The following CSMD1 variants were observed in gnomAD, a reference collection of about 807,000 sequenced individuals.
CSMD1 encodes the protein CUB and sushi domain-containing protein 1.
A neutral mutation model predicts 417.5 loss-of-function variants in CSMD1; 213 were observed. The observed-to-expected ratio is 0.51, with a 90% CI of 0.46 to 0.57. CSMD1 has a LOEUF of 0.57. CSMD1 is among the 20% of genes least tolerant of loss of function. The probability of loss-of-function intolerance (pLI) is 0.00; values close to 1 mark genes in which losing one functional copy is unlikely to be tolerated. For synonymous variants in CSMD1, 2,862 were observed against 1,736.8 expected, an observed-to-expected ratio of 1.65 and a Z score of -16.11; for missense variants, 6,923 against 4,529.7, an observed-to-expected ratio of 1.53 and a Z score of -15.17.
intron 4 of CSMD1, among the ~76,000 whole-genome samples, chr8:4,024,389 A>T (rs1028871257): frequency 2.6e-5 from 4 of 152,196 alleles, no homozygotes; most frequent in African/African-American, 9.7e-5. Context: ...ACGCTGATGG[A>T]AGTTTTACTT....
At position 4,714,427 on chromosome 8, in the gene CSMD1, A is replaced by G. The variant is rs146437943; in HGVS notation, c.86-76869T>C. On this transcript the variant is annotated intron_variant, in intron 1 of 69. Transcript: ENST00000635120. ...GAAAGACAAAAATAAAATCTCCCCAAAAAGGAAATGGAAATTCTAAGTCAA... is the reference window on the plus strand; with the variant it reads ...GAAAGACAAAAATAAAATCTCCCCAGAAAGGAAATGGAAATTCTAAGTCAA... Among the ~76,000 whole-genome samples the G allele has an allele frequency of 3.3e-5, 5 of 152,328 alleles. No homozygotes were observed. In the East Asian group the frequency reaches 9.6e-4, roughly 29 times the overall value.
At chr8:3,115,368 A>C (rs1816802629) in intron 42 of CSMD1, among the ~76,000 whole-genome samples, 1 of 152,002 alleles carries the variant, frequency 6.6e-6, no homozygotes, top group Admixed American at 6.6e-5. Context: ...CGCCTGGCTA[A>C]GTTTTGTATT....
intron 5 of CSMD1, among the ~76,000 whole-genome samples, chr8:3,991,140 C>A (rs1478492514): frequency 6.6e-6 from 1 of 152,198 alleles, no homozygotes; most frequent in Non-Finnish European, 1.5e-5. Flanking sequence ...GGAAATTGGC[C>A]CCACAGTAGA....
In CSMD1 at chr8:4,807,257, C is replaced by T. The variant is rs1282443250; in HGVS notation, c.86-169699G>A. Among the ~76,000 whole-genome samples, 4 of 152,264 alleles carry T rather than the reference C, an allele frequency of 2.6e-5. No homozygotes were observed. The South Asian group carries it at 6.2e-4, about 24-fold the overall frequency. On this transcript the variant is annotated intron_variant, in intron 1 of 69. Coordinates refer to ENST00000635120, the MANE Select transcript of CSMD1 (RefSeq NM_033225.6). Reference sequence around the variant, plus strand: ...GGCAGCTTCTCCCACAGAAAGCAAACCTTATTTCCCAGCCACATTGACTTT... The same window carrying T: ...GGCAGCTTCTCCCACAGAAAGCAAATCTTATTTCCCAGCCACATTGACTTT...
intron 12 of CSMD1, among the ~76,000 whole-genome samples, chr8:3,423,147 T>C (rs1187376979): frequency 6.6e-6 from 1 of 152,190 alleles, no homozygotes; most frequent in African/African-American, 2.4e-5. Flanking sequence ...TTTTAAATAA[T>C]CAGTTTAATT....
At chr8:4,007,044 T>A (rs867118607) in intron 4 of CSMD1, among the ~76,000 whole-genome samples, 1 of 152,046 alleles carries the variant, frequency 6.6e-6, no homozygotes, top group Middle Eastern at 3.2e-3. Context: ...TTCACCGTGT[T>A]AGCCAGGATG....
At chr8:3,885,940 G>C (rs188593340) in intron 5 of CSMD1, among the ~76,000 whole-genome samples, 5 of 152,030 alleles carry the variant, frequency 3.3e-5, no homozygotes, top group Admixed American at 2.0e-4. Context: ...GTTAAAAGTT[G>C]ATAAGTTATG....
At chr8:3,641,313 G>A (rs1391792610) in intron 7 of CSMD1, among the ~76,000 whole-genome samples, 2 of 152,132 alleles carry the variant, frequency 1.3e-5, no homozygotes, top group Admixed American at 6.5e-5. Flanking sequence ...TGGAGAACGG[G>A]TGAGTCACTA....
At chr8:4,208,305 C>T (rs966181245) in intron 3 of CSMD1, among the ~76,000 whole-genome samples, 3 of 152,092 alleles carry the variant, frequency 2.0e-5, no homozygotes, top group South Asian at 4.1e-4. Flanking sequence ...GAAAAAAAGA[C>T]TGGAGAAGAA....
intron 26 of CSMD1, among the ~76,000 whole-genome samples, chr8:3,279,724 A>G (rs1802585271): frequency 6.6e-6 from 1 of 152,138 alleles, no homozygotes; most frequent in African/African-American, 2.4e-5. Context: ...TCATGGAGGA[A>G]GGTGAAGGGG....
chr8:4,939,303 G>C (rs1807825691), intron 1 of CSMD1, among the ~76,000 whole-genome samples: 1 of 152,192 alleles, frequency 6.6e-6, no homozygotes, highest in South Asian at 2.1e-4. Flanking sequence ...TACTGGGTAT[G>C]CATCCAAAGG....
chr8:3,093,146 AAGAG>A (rs1815064021), intron 47 of CSMD1, among the ~76,000 whole-genome samples: 3 of 152,126 alleles, frequency 2.0e-5, no homozygotes, highest in Admixed American at 2.0e-4. Context: ...TGTGACTTTA[AAGAG>A]AGAGAGGGAG....
chr8:2,937,291 T>C lies in CSMD1; in HGVS notation c.*1294A>G, dbSNP rs1429959318. 6.6e-6 allele frequency: 1 copy of C among 152,134 alleles called. No homozygotes were observed. Among genetic ancestry groups the C allele is most frequent in the Admixed American group, 6.5e-5 (1 of 15,268 alleles). 9.4% of individuals were successfully genotyped at this position (152,134 alleles called of 1,614,324 possible). On this transcript the variant is annotated 3_prime_UTR_variant, in exon 70 of 70. Coordinates refer to ENST00000635120, the MANE Select transcript of CSMD1 (RefSeq NM_033225.6). ...CAAATGAATGTATAAAATATATCAT[T>C]GTGAGAGGAGAGTGTGTGTACTTTT... is the stretch of plus-strand genomic sequence containing the variant.
At chr8:3,839,433 T>TC (rs1802954119) in intron 5 of CSMD1, among the ~76,000 whole-genome samples, 1 of 51,816 alleles carries the variant, frequency 1.9e-5, no homozygotes, top group Non-Finnish European at 4.1e-5. Context: ...TATAATAAAT[T>TC]AATATTATAT....
chr8:4,171,039 G>A (rs78342310), intron 3 of CSMD1, among the ~76,000 whole-genome samples: 3,469 of 151,854 alleles, frequency 0.023, 146 homozygotes, highest in African/African-American at 0.065. Context: ...AGAATGCACC[G>A]ATCTCTCCAT....
intron 8 of CSMD1, among the ~76,000 whole-genome samples, chr8:3,600,690 T>G (rs1441565587): frequency 1.3e-5 from 2 of 152,144 alleles, no homozygotes; most frequent in African/African-American, 2.4e-5. Flanking sequence ...AAAGCGAAAG[T>G]CTGCAGGGGC....
intron 2 of CSMD1, among the ~76,000 whole-genome samples, chr8:4,467,549 G>A (rs1165018566): frequency 6.6e-6 from 1 of 152,124 alleles, no homozygotes; most frequent in Non-Finnish European, 1.5e-5. Context: ...CATTAAACCT[G>A]TTGAAAAATT....
intron 1 of CSMD1, among the ~76,000 whole-genome samples, chr8:4,695,198 A>C (rs1807040676): frequency 6.6e-6 from 1 of 151,704 alleles, no homozygotes; most frequent in African/African-American, 2.4e-5. Flanking sequence ...TATTTTTGTC[A>C]TTTCCCTTCC....
intron 10 of CSMD1, among the ~76,000 whole-genome samples, chr8:3,517,198 T>G (rs1369151508): frequency 6.6e-6 from 1 of 152,162 alleles, no homozygotes; most frequent in Non-Finnish European, 1.5e-5. Flanking sequence ...TGACTCTCTT[T>G]GCATCTCAGA....
Sources: gnomAD v4.1 joint callset for allele counts (sites outside exome capture counted in the v4.1 genomes callset) on GRCh38, gnomAD v4.1.1 for gene constraint, MANE v1.5 for transcripts, NCBI Gene and HGNC (gene_info 2026-07-23, HGNC 2026-07-21) for gene names.